ROR1: variants seen among roughly 807,000 people sequenced by gnomAD.
The protein encoded by ROR1 is inactive tyrosine-protein kinase transmembrane receptor ROR1.
ROR1 carries 19 observed loss-of-function variants against 78.8 expected under a neutral mutation model. That is an observed-to-expected ratio of 0.24 (90% CI 0.17 to 0.35). ROR1 has a LOEUF of 0.35. Ranked by LOEUF, ROR1 falls within the 10% of genes least tolerant of loss-of-function variation. The pLI is 1.00. For synonymous variants in ROR1, 386 were observed against 433.6 expected, an observed-to-expected ratio of 0.89 and a Z score of 1.36; for missense variants, 917 against 1,177.8, an observed-to-expected ratio of 0.78 and a Z score of 3.24.
chr1:63,836,405 GAGTT>G lies in ROR1; in HGVS notation c.91+61900_91+61903del, dbSNP rs149051798. ...TGTCTATAGATGTGGAATGCCAAGTGAGTTAGGATATATTAATAAATAGGAACAA... is the reference window on the plus strand; with the variant it reads ...TGTCTATAGATGTGGAATGCCAAGTGAGGATATATTAATAAATAGGAACAA... On this transcript the variant is annotated intron_variant, in intron 1 of 8. Coordinates refer to ENST00000371079, the MANE Select transcript of ROR1 (RefSeq NM_005012.4). Among the ~76,000 whole-genome samples the G allele has an allele frequency of 2.2e-3, 334 of 152,312 alleles. 2 individuals carry two copies. Among genetic ancestry groups the G allele is most frequent in the African/African-American group, 7.5e-3 (312 of 41,568 alleles).
intron 1 of ROR1, among the ~76,000 whole-genome samples, chr1:63,980,956 C>T (rs1322204126): frequency 6.6e-6 from 1 of 151,554 alleles, no homozygotes; most frequent in East Asian, 2.1e-4. Flanking sequence ...CTGTTCTGAT[C>T]CTCTTAGCAC....
At chr1:64,002,904 G>T (rs1158615584) in intron 1 of ROR1, among the ~76,000 whole-genome samples, 1 of 152,148 alleles carries the variant, frequency 6.6e-6, no homozygotes, top group Admixed American at 6.5e-5. Context: ...GGGGGTTTAA[G>T]CCAGGGAGCA....
chr1:63,964,277 C>T (rs2100489436), intron 1 of ROR1, among the ~76,000 whole-genome samples: 1 of 152,306 alleles, frequency 6.6e-6, no homozygotes, highest in Non-Finnish European at 1.5e-5. Flanking sequence ...TGGAATTCGC[C>T]CAAACTGCAC....
intron 2 of ROR1, among the ~76,000 whole-genome samples, chr1:64,034,904 T>C (rs1646689479): frequency 6.6e-6 from 1 of 151,164 alleles, no homozygotes; most frequent in Non-Finnish European, 1.5e-5. Flanking sequence ...TCAGTATCAT[T>C]AATCTCGAGG....
Position 64,122,362 on chromosome 1 carries a change from A to G in ROR1, c.483-15007A>G, listed in dbSNP as rs373799460. Among the ~76,000 whole-genome samples, 32 of 152,218 alleles carry G rather than the reference A, an allele frequency of 2.1e-4. 2 individuals are homozygous for G. The highest frequency in any genetic ancestry group is 9.8e-4 in the Admixed American group (15 of 15,294). On this transcript the variant is annotated intron_variant, in intron 4 of 8. Coordinates refer to ENST00000371079, the MANE Select transcript of ROR1 (RefSeq NM_005012.4). ...CAGCTTTCTGGGGACTGGCATTTCC[A>G]CTGTTCTTCCATCATTTCTGAGGGT...
At chr1:63,874,228 T>A (rs1645269352) in intron 1 of ROR1, among the ~76,000 whole-genome samples, 1 of 152,236 alleles carries the variant, frequency 6.6e-6, no homozygotes, top group South Asian at 2.1e-4. Flanking sequence ...ACACAAGTAG[T>A]CCTTTGGCAT....
chr1:64,069,571 T>C (rs997532535), intron 4 of ROR1, among the ~76,000 whole-genome samples: 10 of 152,034 alleles, frequency 6.6e-5, no homozygotes, highest in Non-Finnish European at 4.4e-5. Flanking sequence ...TGGGTGATCA[T>C]CGTGATTAAA....
At chr1:63,939,195 C>G (rs1645817013) in intron 1 of ROR1, among the ~76,000 whole-genome samples, 1 of 152,118 alleles carries the variant, frequency 6.6e-6, no homozygotes. Context: ...TTCATTGTGG[C>G]TGGCAGTGGT....
chr1:63,906,558 G>A (rs1420536449), intron 1 of ROR1, among the ~76,000 whole-genome samples: 1 of 152,150 alleles, frequency 6.6e-6, no homozygotes, highest in Non-Finnish European at 1.5e-5. Flanking sequence ...GCTGCAGTCT[G>A]CTCTTTAGTA....
intron 4 of ROR1, among the ~76,000 whole-genome samples, chr1:64,060,987 G>C (rs1324258990): frequency 1.3e-5 from 2 of 152,162 alleles, no homozygotes; most frequent in Non-Finnish European, 2.9e-5. Context: ...ACATTTAAAG[G>C]GAGAAGGGTG....
intron 4 of ROR1, among the ~76,000 whole-genome samples, chr1:64,107,611 A>G (rs1647877188): frequency 6.6e-6 from 1 of 151,274 alleles, no homozygotes. Context: ...TTGTTAATAG[A>G]TTTTCAGAAT....
chr1:64,143,397 C>T, intron 7 of ROR1: 1 of 974,364 alleles, frequency 1.0e-6, no homozygotes, highest in Non-Finnish European at 1.2e-6. Flanking sequence ...GTTGGTGAAA[C>T]CTGGAGTTAG....
At chr1:63,976,353 A>T (rs183286994) in intron 1 of ROR1, among the ~76,000 whole-genome samples, 12 of 152,242 alleles carry the variant, frequency 7.9e-5, no homozygotes, top group Non-Finnish European at 1.5e-4. Flanking sequence ...CTGCTACCCC[A>T]CAGCCATCTC....
chr1:63,813,554 C>T (rs1377925613), intron 1 of ROR1, among the ~76,000 whole-genome samples: 1 of 152,172 alleles, frequency 6.6e-6, no homozygotes, highest in Non-Finnish European at 1.5e-5. Flanking sequence ...CTTATGGTAC[C>T]TACCTAGCAC....
chr1:63,959,381 A>G (rs922024817), intron 1 of ROR1, among the ~76,000 whole-genome samples: 8 of 152,134 alleles, frequency 5.3e-5, no homozygotes, highest in Non-Finnish European at 8.8e-5. Flanking sequence ...GACAGCTAGC[A>G]GTAACTGTCT....
chr1:64,146,332 C>G (rs896813499), intron 7 of ROR1, among the ~76,000 whole-genome samples: 1 of 152,090 alleles, frequency 6.6e-6, no homozygotes, highest in Non-Finnish European at 1.5e-5. Context: ...AAAAATTAGC[C>G]AGGTGTGGTG....
intron 1 of ROR1, among the ~76,000 whole-genome samples, chr1:63,856,562 G>C (rs1645150347): frequency 6.6e-6 from 1 of 152,060 alleles, no homozygotes; most frequent in Admixed American, 6.6e-5. Flanking sequence ...AGTTGCCTTG[G>C]TCTCCCTGGA....
chr1:63,939,361 G>A (rs1451847209), intron 1 of ROR1, among the ~76,000 whole-genome samples: 1 of 152,184 alleles, frequency 6.6e-6, no homozygotes, highest in African/African-American at 2.4e-5. Flanking sequence ...AAGGAATACA[G>A]GAGTATGGAC....
intron 4 of ROR1, among the ~76,000 whole-genome samples, chr1:64,064,210 G>A (rs1646939029): frequency 6.6e-6 from 1 of 152,218 alleles, no homozygotes; most frequent in Non-Finnish European, 1.5e-5. Flanking sequence ...CACTTAGGTT[G>A]GAGGGAAAAA....
Sources: allele counts gnomAD v4.1 joint callset (sites outside exome capture counted in the v4.1 genomes callset), GRCh38; gene constraint gnomAD v4.1.1; transcripts MANE v1.5; gene names NCBI Gene and HGNC (gene_info 2026-07-23, HGNC 2026-07-21).